The following PRKAG2 variants were observed in gnomAD, a reference collection of about 807,000 sequenced individuals.
PRKAG2 encodes protein kinase AMP-activated non-catalytic subunit gamma 2, also known as 5'-AMP-activated protein kinase subunit gamma-2.
In PRKAG2, 26 loss-of-function variants were observed where a neutral mutation model predicts 69.6. The ratio of observed to expected loss-of-function variants is 0.37; its 90% confidence interval spans 0.27 to 0.52. The LOEUF (loss-of-function observed/expected upper bound fraction) is 0.52, where lower values mean the gene tolerates loss of function less well. PRKAG2 is among the 20% of genes least tolerant of loss of function. The pLI is 0.90. For synonymous variants in PRKAG2, 293 were observed against 285.0 expected (o/e 1.03, Z -0.28); for missense variants, 557 against 740.0 (o/e 0.75, Z 2.87).
intron 1 of PRKAG2, among the ~76,000 whole-genome samples, chr7:151,795,887 A>ATATATATATATATATATC (rs2077506478): frequency 9.3e-6 from 1 of 107,530 alleles, no homozygotes; most frequent in African/African-American, 3.6e-5. Context: ...ATATATATAT[A>ATATATATATATATATATC]TATCACGATA....
chr7:151,840,579 A>G (rs1037497732), intron 1 of PRKAG2, among the ~76,000 whole-genome samples: 1 of 152,158 alleles, frequency 6.6e-6, no homozygotes, highest in African/African-American at 2.4e-5. Flanking sequence ...TGGCCCCCGG[A>G]CCTGCACTGT....
chr7:151,568,120 T>G (rs1450716111), intron 11 of PRKAG2, among the ~76,000 whole-genome samples: 2 of 152,238 alleles, frequency 1.3e-5, no homozygotes, highest in African/African-American at 4.8e-5. Context: ...TCTCTTTTAA[T>G]GTTTCCAACC....
intron 3 of PRKAG2, among the ~76,000 whole-genome samples, chr7:151,778,569 C>A (rs6949768): frequency 0.018 from 2,813 of 152,314 alleles, 90 homozygotes; most frequent in African/African-American, 0.065. Flanking sequence ...CCAAGCCCTG[C>A]TACATCCCAG....
chr7:151,632,400 C>A lies in PRKAG2; in HGVS notation c.685-262G>T. 2.0e-6 allele frequency: 1 copy of A among 496,366 alleles called. No individual in the cohort carries two copies. Among genetic ancestry groups the A allele is most frequent in the Non-Finnish European group, 2.6e-6 (1 of 384,608 alleles). 30.7% of individuals were successfully genotyped at this position (496,366 alleles called of 1,614,324 possible). ...GTGGGACGCGCCGCTCCCCCCCGCG[C>A]CTTGGTACGGCCCGCCCGGGAGGAA... On this transcript the variant is annotated intron_variant, in intron 4 of 15. Coordinates refer to ENST00000287878, the MANE Select transcript of PRKAG2 (RefSeq NM_016203.4). This position sits in a 1 kb window ranked among gnomAD's most constrained non-coding sequence, Gnocchi z 4.2.
intron 1 of PRKAG2, among the ~76,000 whole-genome samples, chr7:151,823,168 A>C (rs540450624): frequency 6.6e-6 from 1 of 152,012 alleles, no homozygotes; most frequent in East Asian, 2.0e-4. Context: ...CCGCCTGGGG[A>C]CACTCTCTAT....
At position 151,835,051 on chromosome 7, in the gene PRKAG2, G is replaced by C. The variant is rs1359721731; in HGVS notation, c.114+41456C>G. On this transcript the variant is annotated intron_variant, in intron 1 of 15. Coordinates refer to ENST00000287878, the MANE Select transcript of PRKAG2 (RefSeq NM_016203.4). The surrounding 1 kb of genome is among the most constrained non-coding windows in gnomAD (Gnocchi z 4.1). Reference sequence around the variant, plus strand: ...CTCATACGCAGATGCCAGCCATGTGGAAAAGGGCCAGCCTGCTCCAATGTG... The same window carrying C: ...CTCATACGCAGATGCCAGCCATGTGCAAAAGGGCCAGCCTGCTCCAATGTG... Among the ~76,000 whole-genome samples the C allele has an allele frequency of 6.6e-6, 1 of 152,154 alleles. No homozygotes were observed. Among genetic ancestry groups the C allele is most frequent in the Non-Finnish European group, 1.5e-5 (1 of 68,024 alleles).
In PRKAG2 at chr7:151,801,430, G is replaced by GC. The variant is rs2077830609; in HGVS notation, c.115-14890dup. 2.0e-5 allele frequency among the ~76,000 whole-genome samples: 3 copies of GC among 152,336 alleles called. No homozygotes were observed. In the South Asian group the frequency reaches 6.2e-4, roughly 32 times the overall value. On this transcript the variant is annotated intron_variant, in intron 1 of 15. Transcript: ENST00000287878. ...CCAGGCCCTTGGCCCCCAGGCTGGG[G>GC]CAATGAGGACCAAGTACAGAGGGCT...
chr7:151,764,334 C>T (rs975633221), intron 3 of PRKAG2, among the ~76,000 whole-genome samples: 16 of 152,240 alleles, frequency 1.1e-4, no homozygotes, highest in African/African-American at 2.9e-4. Context: ...GAGAGACCAG[C>T]GCTCCAGAAG....
intron 11 of PRKAG2, 38 bp downstream of exon 11, chr7:151,568,678 A>G: frequency 1.2e-6 from 2 of 1,605,398 alleles, no homozygotes; most frequent in Non-Finnish European, 1.7e-6. Flanking sequence ...TAATAAGTAA[A>G]TGCAATTATG....
chr7:151,782,366 AGGGAGG>A (rs1563663331), intron 2 of PRKAG2, among the ~76,000 whole-genome samples: 22 of 84,396 alleles, frequency 2.6e-4, no homozygotes, highest in Non-Finnish European at 3.0e-4. Context: ...GGAGGGAGGG[AGGGAGG>A]GAAGGAAAGA....
intron 1 of PRKAG2, among the ~76,000 whole-genome samples, chr7:151,803,277 G>A (rs1376458074): frequency 6.6e-6 from 1 of 152,102 alleles, no homozygotes; most frequent in Non-Finnish European, 1.5e-5. Flanking sequence ...GATTTTAAAG[G>A]TAATAGCTGG....
chr7:151,755,407 G>T (rs1369064205), intron 3 of PRKAG2, among the ~76,000 whole-genome samples: 2 of 152,102 alleles, frequency 1.3e-5, no homozygotes, highest in Non-Finnish European at 2.9e-5. Flanking sequence ...GAAGACAGGG[G>T]GTGGGTGTGC....
intron 5 of PRKAG2, among the ~76,000 whole-genome samples, chr7:151,602,112 T>G (rs1205751481): frequency 1.3e-5 from 2 of 152,232 alleles, no homozygotes; most frequent in African/African-American, 4.8e-5. Context: ...AGGATGACGC[T>G]CCTCGCGCAG....
chr7:151,585,672 T>A (rs1376890894), intron 6 of PRKAG2, among the ~76,000 whole-genome samples: 3 of 152,248 alleles, frequency 2.0e-5, no homozygotes. Context: ...TTATCAGCTA[T>A]CCCACCTGGT....
intron 3 of PRKAG2, among the ~76,000 whole-genome samples, chr7:151,713,381 G>C (rs938211345): frequency 1.3e-5 from 2 of 152,086 alleles, no homozygotes; most frequent in African/African-American, 2.4e-5. Context: ...TGCAAGCCAG[G>C]CTGTGAATCA....
chr7:151,692,414 G>GA (rs950211994), intron 3 of PRKAG2, among the ~76,000 whole-genome samples: 3 of 151,886 alleles, frequency 2.0e-5, no homozygotes, highest in South Asian at 2.1e-4. Flanking sequence ...ATAGCGGACA[G>GA]AAAAAAAAGT....
chr7:151,786,366 G>A (rs757592127), intron 2 of PRKAG2, 104 bp downstream of exon 2: 20 of 1,136,772 alleles, frequency 1.8e-5, no homozygotes, highest in Non-Finnish European at 2.6e-5. Flanking sequence ...CGGACATGCG[G>A]GTGGGCGTGA....
chr7:151,638,013 C>T lies in PRKAG2; in HGVS notation c.685-5875G>A, dbSNP rs1315229313. ...GGGAAGGGGCGTGCACTTGTGACAC[C>T]GACTCCTCTCTCAGTCCATCAGCAT... On this transcript the variant is annotated intron_variant, in intron 4 of 15. Transcript: ENST00000287878. This position sits in a 1 kb window ranked among gnomAD's most constrained non-coding sequence, Gnocchi z 4.3. Among the ~76,000 whole-genome samples, 4 of 152,094 alleles carry T rather than the reference C, an allele frequency of 2.6e-5. No homozygotes were observed. The highest frequency in any genetic ancestry group is 4.4e-5 in the Non-Finnish European group (3 of 68,002).
chr7:151,560,447 T>C (rs1288974305), intron 15 of PRKAG2, 77 bp downstream of exon 15: 1 of 1,612,564 alleles, frequency 6.2e-7, no homozygotes, highest in Non-Finnish European at 8.5e-7. Flanking sequence ...GAAATGATGG[T>C]TTAAATGCTG....
Sources: gnomAD v4.1 joint callset for allele counts (sites outside exome capture counted in the v4.1 genomes callset) on GRCh38, gnomAD v4.1.1 for gene constraint, Gnocchi (gnomAD v3.1) non-coding constraint, MANE v1.5 for transcripts, NCBI Gene and HGNC (gene_info 2026-07-23, HGNC 2026-07-21) for gene names.